Variants in DSEL observed in about 807,000 individuals in gnomAD.
DSEL encodes the protein dermatan-sulfate epimerase-like protein.
DSEL carries 61 observed loss-of-function variants against 96.6 expected under a neutral mutation model. The ratio of observed to expected loss-of-function variants is 0.63; its 90% CI spans 0.51 to 0.78. DSEL has a LOEUF of 0.78. DSEL is among the 30% of genes least tolerant of loss of function. The pLI is 0.00. For missense variants in DSEL, 1,320 were observed against 1,430.8 expected, an observed-to-expected ratio of 0.92 and a Z score of 1.25; for synonymous variants, 514 against 502.0, an observed-to-expected ratio of 1.02 and a Z score of -0.32.
rs751713202 is a variant in DSEL, at chr18:67,512,687, C to T, written c.1922G>A (p.Gly641Asp). The change falls in exon 2 of 2, where the codon GGC (glycine) becomes GAC (aspartate). Residue 641 changes from glycine (G) to aspartate (D), a missense_variant. By Grantham distance (94) the Gly-to-Asp change is moderately conservative. Around this residue, in one of 3 missense-constraint regions of DSEL, gnomAD observed 986 missense variants for 1,066.4 expected, o/e 0.92. Transcript: ENST00000310045. The part of the protein sequence containing the change: ...HYKMFWFDHH[G>D]NSPMASIQEA... ...CTGTATACTGGCCATGGGACTATTG[C>T]CATGATGATCAAACCAAAACATTTT... 4 of 1,614,150 alleles carry T rather than the reference C, an allele frequency of 2.5e-6. No individual in the cohort carries two copies. Among genetic ancestry groups the T allele is most frequent in the Non-Finnish European group, 3.4e-6 (4 of 1,180,032 alleles).
chr18:67,513,317 G>C lies in DSEL; in HGVS notation c.1292C>G (p.Thr431Ser). ...CTTCCCAGATTTAAAAGACACAAAG[G>C]TGTTGGTCTGTGTGTTTGGCAACCC... is the stretch of plus-strand genomic sequence containing the variant. ...GAGLPNTQTN[T>S]FVSFKSGKLG... Residue 431 changes from threonine to serine, a missense_variant, in exon 2 of 2, where the codon ACC (threonine) becomes AGC (serine). Coordinates refer to ENST00000310045, the MANE Select transcript of DSEL (RefSeq NM_032160.3). 6.2e-7 allele frequency: 1 copy of C among 1,614,198 alleles called. No homozygotes were observed. The highest frequency in any genetic ancestry group is 2.2e-5 in the East Asian group (1 of 44,884).
rs970960547 is a variant in DSEL at position 67,509,752 on chromosome 18, T to C, written c.*1218A>G. 2 of 152,632 alleles carry C rather than the reference T, an allele frequency of 1.3e-5. No individual in the cohort carries two copies. The highest frequency in any genetic ancestry group is 2.4e-5 in the African/African-American group (1 of 41,440). 9.5% of individuals were successfully genotyped at this position (152,632 alleles called of 1,614,324 possible). ...TGCCTTATGTTTTCATCCAATACAT[T>C]GTAATTACTCCACTGGCTTATAATG... On this transcript the variant is annotated 3_prime_UTR_variant, in exon 2 of 2. Coordinates refer to ENST00000310045, the MANE Select transcript of DSEL (RefSeq NM_032160.3).
In DSEL at chr18:67,514,685, A is replaced by C. The variant is rs1319031606; in HGVS notation, c.-77T>G. 2.0e-6 allele frequency: 3 copies of C among 1,500,780 alleles called. No individual in the cohort carries two copies. The South Asian group carries it at 3.8e-5, about 19-fold the overall frequency. The allele number at this position is 1,500,780 out of a possible 1,614,324, so 93.0% of individuals were successfully genotyped here. A position where few individuals can be genotyped will look rare whatever the true frequency, so the allele number is the denominator to read the frequency against. On this transcript the variant is annotated 5_prime_UTR_variant, in exon 2 of 2. Coordinates refer to ENST00000310045, the MANE Select transcript of DSEL (RefSeq NM_032160.3). ...ATGTGTTTCCCATCTGGTTAGTATA[A>C]AACATACAGTAAAGGCCTTGATAAG...
chr18:67,514,488 G>A lies in DSEL; in HGVS notation c.121C>T (p.Gln41Ter). The change falls in exon 2 of 2, where the codon CAG (glutamine) becomes TAG (stop). Residue 41 changes from glutamine (Q) to a stop codon, truncating the protein, a stop_gained. Coordinates refer to ENST00000310045, the MANE Select transcript of DSEL (RefSeq NM_032160.3). LOFTEE classifies it high-confidence loss of function. ...TCTTGCACTTTCTGTGTTTTAAACTGATCTATATCATCTGTGAAAACTGCC... is the reference window on the plus strand; with the variant it reads ...TCTTGCACTTTCTGTGTTTTAAACTAATCTATATCATCTGTGAAAACTGCC... The part of the protein sequence containing the change: ...EWAVFTDDID[Q>*]FKTQKVQDFR... The A allele has an allele frequency of 6.2e-7, 1 of 1,614,140 alleles. No homozygotes were observed. The highest frequency in any genetic ancestry group is 1.1e-5 in the South Asian group (1 of 91,068).
chr18:67,513,075 T>G lies in DSEL; in HGVS notation c.1534A>C (p.Asn512His), dbSNP rs749622412. 6.2e-7 allele frequency: 1 copy of G among 1,614,186 alleles called. No homozygotes were observed. The highest frequency in any genetic ancestry group is 8.5e-7 in the Non-Finnish European group (1 of 1,180,034). The change falls in exon 2 of 2, where the codon AAT (asparagine) becomes CAT (histidine). Residue 512 changes from asparagine (N) to histidine (H), a missense_variant. This residue lies in a region of DSEL where 986 missense variants were observed against 1,066.4 expected (regional missense o/e 0.92). Coordinates refer to ENST00000310045, the MANE Select transcript of DSEL (RefSeq NM_032160.3). ...CCCAGTTGACCTTCCCAGGGCTTAT[T>G]ACACTGGCTTGAGGGTGATGGAGCA... ...VFAPSPSSQC[N>H]KPWEGQLGEC...
At position 67,514,723 on chromosome 18, in the gene DSEL, A is replaced by C; in HGVS notation, c.-115T>G. 2 of 1,174,132 alleles carry C rather than the reference A, an allele frequency of 1.7e-6. No homozygotes were observed. Among genetic ancestry groups the C allele is most frequent in the Non-Finnish European group, 2.4e-6 (2 of 826,290 alleles). 72.7% of individuals were successfully genotyped at this position (1,174,132 alleles called of 1,614,324 possible). A position where few individuals can be genotyped will look rare whatever the true frequency, so the allele number is the denominator to read the frequency against. On this transcript the variant is annotated 5_prime_UTR_variant, in exon 2 of 2. The change creates a new upstream start codon in the 5' untranslated region. Coordinates refer to ENST00000310045, the MANE Select transcript of DSEL (RefSeq NM_032160.3). ...AGGCCTTGATAAGACAAAGACTGTA[A>C]ATCTGATATGCTGTGAAATCCAGCT...
chr18:67,513,108 A>G lies in DSEL; in HGVS notation c.1501T>C (p.Leu501=). The G allele has an allele frequency of 1.9e-6, 3 of 1,614,106 alleles. No homozygotes were observed. Among genetic ancestry groups the G allele is most frequent in the Non-Finnish European group, 2.5e-6 (3 of 1,180,020 alleles). The change falls in exon 2 of 2, where the codon TTG becomes CTG. Residue 501 remains leucine (L), a synonymous_variant. Transcript: ENST00000310045. ...GPKLSHLNNV[L]VFAPSPSSQC... ...CTTGAGGGTGATGGAGCAAACACCA[A>G]TACATTGTTAAGGTGGCTCAACTTG...
Position 67,514,470 on chromosome 18 carries a change from C to A in DSEL, c.139G>T (p.Val47Leu). 6.2e-7 allele frequency: 1 copy of A among 1,614,134 alleles called. No homozygotes were observed. The highest frequency in any genetic ancestry group is 8.5e-7 in the Non-Finnish European group (1 of 1,180,022). ...TTTTGGTTGGGTCTGAAATCTTGCACTTTCTGTGTTTTAAACTGATCTATA... is the reference window on the plus strand; with the variant it reads ...TTTTGGTTGGGTCTGAAATCTTGCAATTTCTGTGTTTTAAACTGATCTATA... The part of the protein sequence containing the change: ...DDIDQFKTQK[V>L]QDFRPNQKLK... Residue 47 changes from valine to leucine, a missense_variant, in exon 2 of 2, where the codon GTG becomes TTG. Val to Leu is a conservative substitution (Grantham distance 32). This residue lies in a region of DSEL where 323 missense variants were observed against 333.1 expected (regional missense o/e 0.97). Transcript: ENST00000310045.
At chr18:67,515,722 C>A (rs2089471800) in intron 1 of DSEL, among the ~76,000 whole-genome samples, 1 of 152,124 alleles carries the variant, frequency 6.6e-6, no homozygotes, top group Admixed American at 6.5e-5. Context: ...ACTAACAATA[C>A]AAAATATACA....
rs775906201 is a variant in DSEL, at chr18:67,512,681, C to T, written c.1928G>A (p.Ser643Asn). 33 of 1,614,024 alleles carry T rather than the reference C, an allele frequency of 2.0e-5. No homozygotes were observed. In the African/African-American group the frequency reaches 4.3e-4, roughly 21 times the overall value. The change falls in exon 2 of 2, where the codon AGT becomes AAT. Residue 643 changes from serine to asparagine, a missense_variant. Physicochemically the swap from Ser to Asn is conservative, Grantham distance 46 (BLOSUM62 1). Coordinates refer to ENST00000310045, the MANE Select transcript of DSEL (RefSeq NM_032160.3). ...TGCTTCCTGTATACTGGCCATGGGACTATTGCCATGATGATCAAACCAAAA... is the reference window on the plus strand; with the variant it reads ...TGCTTCCTGTATACTGGCCATGGGATTATTGCCATGATGATCAAACCAAAA... ...KMFWFDHHGN[S>N]PMASIQEAEQ...
In DSEL at chr18:67,513,279, C is replaced by T; in HGVS notation, c.1330G>A (p.Ala444Thr). ...TGAAAATGAACTATGTCATACACAG[C>T]TCGTCCCCCCAGCTTCCCAGATTTA... ...SFKSGKLGGR[A>T]VYDIVHFQPY... The change falls in exon 2 of 2, where the codon GCT becomes ACT. Residue 444 changes from alanine (A) to threonine (T), a missense_variant. Physicochemically the swap from Ala to Thr is moderately conservative, Grantham distance 58 (BLOSUM62 0). Coordinates refer to ENST00000310045, the MANE Select transcript of DSEL (RefSeq NM_032160.3). The T allele has an allele frequency of 6.2e-7, 1 of 1,614,196 alleles. No individual in the cohort carries two copies. The highest frequency in any genetic ancestry group is 8.5e-7 in the Non-Finnish European group (1 of 1,180,040).
Position 67,514,471 on chromosome 18 carries a change from T to G in DSEL, c.138A>C (p.Lys46Asn), listed in dbSNP as rs1188406590. Residue 46 changes from lysine (K) to asparagine (N), a missense_variant, in exon 2 of 2, where the codon AAA becomes AAC. Transcript: ENST00000310045. ...TDDIDQFKTQ[K>N]VQDFRPNQKL... is the part of the protein sequence containing the mutation. ...TTTGGTTGGGTCTGAAATCTTGCAC[T>G]TTCTGTGTTTTAAACTGATCTATAT... The G allele has an allele frequency of 6.2e-7, 1 of 1,614,056 alleles. No individual in the cohort carries two copies.
rs554861504 is a variant in DSEL at position 67,507,757 on chromosome 18, T to A, written c.*3213A>T. The A allele has an allele frequency of 4.6e-5, 7 of 152,352 alleles. No homozygotes were observed. In the East Asian group the frequency reaches 9.6e-4, roughly 21 times the overall value. The allele number at this position is 152,352 out of a possible 1,614,324, so 9.4% of individuals were successfully genotyped here. On this transcript the variant is annotated 3_prime_UTR_variant, in exon 2 of 2. Transcript: ENST00000310045. ...CTCTATGTAAAAGGACAATCAAATGTCTAATATTTTGGTGTCCACACCTAA... is the reference window on the plus strand; with the variant it reads ...CTCTATGTAAAAGGACAATCAAATGACTAATATTTTGGTGTCCACACCTAA...
Position 67,513,243 on chromosome 18 carries a change from A to C in DSEL, c.1366T>G (p.Trp456Gly), listed in dbSNP as rs758854360. The change falls in exon 2 of 2, where the codon TGG becomes GGG. Residue 456 changes from tryptophan to glycine, a missense_variant. Trp to Gly is a radical substitution (Grantham distance 184). Transcript: ENST00000310045. ...YDIVHFQPYS[W>G]IDGWRSFNPG... ...TTAAAACTTCTCCACCCATCAATCC[A>C]GGAATATGGCTGAAAATGAACTATG... The C allele has an allele frequency of 6.2e-7, 1 of 1,614,224 alleles. No individual in the cohort carries two copies.
In DSEL at chr18:67,511,408, A is replaced by T; in HGVS notation, c.3201T>A (p.Gly1067=). The T allele has an allele frequency of 6.2e-7, 1 of 1,603,434 alleles. No homozygotes were observed. Among genetic ancestry groups the T allele is most frequent in the Non-Finnish European group, 8.5e-7 (1 of 1,179,864 alleles). ...HLAKLFKIEG[G]KGKCNLNSGY... Reference sequence around the variant, plus strand: ...CCGAATTTAAGTTACATTTGCCTTTACCTCCCTCTATTTTAAACAATTTTG... The same window carrying T: ...CCGAATTTAAGTTACATTTGCCTTTTCCTCCCTCTATTTTAAACAATTTTG... The change falls in exon 2 of 2, where the codon GGT becomes GGA. Residue 1067 remains glycine (G), a synonymous_variant. Coordinates refer to ENST00000310045, the MANE Select transcript of DSEL (RefSeq NM_032160.3).
At position 67,516,493 on chromosome 18, in the gene DSEL, C is replaced by A. The variant is rs2089477184; in HGVS notation, c.-1017G>T. Reference sequence around the variant, plus strand: ...CTCCGCAAGACCCCCGCGTCGTCTCCCGCGCTACGGCAGGCGCTGCCCCAG... The same window carrying A: ...CTCCGCAAGACCCCCGCGTCGTCTCACGCGCTACGGCAGGCGCTGCCCCAG... On this transcript the variant is annotated 5_prime_UTR_variant, in exon 1 of 2. Coordinates refer to ENST00000310045, the MANE Select transcript of DSEL (RefSeq NM_032160.3). This position sits in a 1 kb window ranked among gnomAD's most constrained non-coding sequence, Gnocchi z 5.6. 1 of 152,496 alleles carries A rather than the reference C, an allele frequency of 6.6e-6. No homozygotes were observed. Among genetic ancestry groups the A allele is most frequent in the African/African-American group, 2.4e-5 (1 of 41,464 alleles). The allele number at this position is 152,496 out of a possible 1,614,324, so 9.4% of individuals were successfully genotyped here. A position where few individuals can be genotyped will look rare whatever the true frequency, so the allele number is the denominator to read the frequency against.
chr18:67,511,152 T>G lies in DSEL; in HGVS notation c.3457A>C (p.Ser1153Arg). 1 of 1,614,118 alleles carries G rather than the reference T, an allele frequency of 6.2e-7. No homozygotes were observed. The highest frequency in any genetic ancestry group is 1.1e-5 in the South Asian group (1 of 91,082). Residue 1153 changes from serine to arginine, a missense_variant, in exon 2 of 2, where the codon AGT becomes CGT. Physicochemically the swap from Ser to Arg is moderately radical, Grantham distance 110. Coordinates refer to ENST00000310045, the MANE Select transcript of DSEL (RefSeq NM_032160.3). ...GTGGCAAACAATATTTGGTTTAAAC[T>G]AGCAGGAGACAAAGGAATTCCAAGA... is the stretch of plus-strand genomic sequence containing the variant. ...AFLGIPLSPA[S>R]LNQILFATST...
chr18:67,512,513 T>G lies in DSEL; in HGVS notation c.2096A>C (p.Asn699Thr), dbSNP rs769117417. The change falls in exon 2 of 2, where the codon AAT becomes ACT. Residue 699 changes from asparagine to threonine, a missense_variant. Transcript: ENST00000310045. ...ATTGAGAGAAATCTGAAGTCCAGGATTGGAACTATCAATAAATCTGCAGCT... is the reference window on the plus strand; with the variant it reads ...ATTGAGAGAAATCTGAAGTCCAGGAGTGGAACTATCAATAAATCTGCAGCT... Reference protein sequence around the residue: ...VSSCRFIDSSNPGLQISLNVN... With the variant: ...VSSCRFIDSSTPGLQISLNVN... 1.2e-6 allele frequency: 2 copies of G among 1,614,072 alleles called. No individual in the cohort carries two copies. The highest frequency in any genetic ancestry group is 1.7e-5 in the Admixed American group (1 of 60,032).
chr18:67,510,201 G>C lies in DSEL; in HGVS notation c.*769C>G, dbSNP rs1360273196. 1.3e-5 allele frequency: 2 copies of C among 152,204 alleles called. No homozygotes were observed. The highest frequency in any genetic ancestry group is 2.9e-5 in the Non-Finnish European group (2 of 68,042). The allele number at this position is 152,204 out of a possible 1,614,324, so 9.4% of individuals were successfully genotyped here. A position where few individuals can be genotyped will look rare whatever the true frequency, so the allele number is the denominator to read the frequency against. ...GATGGGAGTGATGTGATGGCGAACA[G>C]CTGTAGCTCCAGGGAGGATAAAAAG... On this transcript the variant is annotated 3_prime_UTR_variant, in exon 2 of 2. Coordinates refer to ENST00000310045, the MANE Select transcript of DSEL (RefSeq NM_032160.3).
Sources: gnomAD v4.1 joint callset for allele counts (sites outside exome capture counted in the v4.1 genomes callset) on GRCh38, gnomAD v4.1.1 for gene constraint, gnomAD v4.1.1 regional missense constraint, Gnocchi (gnomAD v3.1) non-coding constraint, MANE v1.5 for transcripts, NCBI Gene and HGNC (gene_info 2026-07-23, HGNC 2026-07-21) for gene names.